EPHB1: variants seen among roughly 807,000 people sequenced by gnomAD.
The protein encoded by EPHB1 is ephrin type-B receptor 1.
Under a neutral mutation model 94.4 loss-of-function variants are expected in EPHB1, and 30 were observed. That is an observed-to-expected ratio of 0.32 (90% confidence interval 0.24 to 0.43). The LOEUF (loss-of-function observed/expected upper bound fraction) is 0.43. Among genes scored for constraint, EPHB1 ranks in the 20% least tolerant of loss-of-function variants. EPHB1 has a pLI of 1.00. For missense variants in EPHB1, 1,055 were observed against 1,308.3 expected, an observed-to-expected ratio of 0.81 and a Z score of 2.99; for synonymous variants, 522 against 489.1, an observed-to-expected ratio of 1.07 and a Z score of -0.89.
chr3:134,908,107 A>G (rs1221096208), intron 1 of EPHB1, among the ~76,000 whole-genome samples: 1 of 152,216 alleles, frequency 6.6e-6, no homozygotes, highest in Non-Finnish European at 1.5e-5. Flanking sequence ...TTGCCTGGGA[A>G]TAGTTCCTGC....
At chr3:135,201,756 G>A in intron 12 of EPHB1, 67 bp downstream of exon 12, 1 of 1,480,654 alleles carries the variant, frequency 6.8e-7, no homozygotes, top group South Asian at 1.2e-5. Context: ...ACATGGCTGG[G>A]AACTGTGACA....
chr3:135,008,166 A>G (rs935626801), intron 3 of EPHB1, among the ~76,000 whole-genome samples: 3 of 152,350 alleles, frequency 2.0e-5, no homozygotes, highest in Non-Finnish European at 4.4e-5. Context: ...AGCTTGGTAC[A>G]TGGAACAGAA....
intron 1 of EPHB1, among the ~76,000 whole-genome samples, chr3:134,826,575 C>T (rs1425904522): frequency 1.3e-5 from 2 of 152,214 alleles, no homozygotes; most frequent in East Asian, 3.9e-4. Context: ...TTATTTCATT[C>T]TCCACTATAA....
chr3:134,905,819 A>G (rs991429327), intron 1 of EPHB1, among the ~76,000 whole-genome samples: 3 of 152,146 alleles, frequency 2.0e-5, no homozygotes, highest in Non-Finnish European at 4.4e-5. Context: ...CCGTTTCCCC[A>G]TGATTCCCAG....
At chr3:134,962,559 G>C (rs6768899) in intron 3 of EPHB1, among the ~76,000 whole-genome samples, 73,889 of 151,762 alleles carry the variant, frequency 0.49, 18,666 homozygotes, top group African/African-American at 0.6. Flanking sequence ...GGCCGAATCT[G>C]CCTGGTTTGC....
At chr3:134,966,940 C>A (rs1165369543) in intron 3 of EPHB1, among the ~76,000 whole-genome samples, 1 of 152,218 alleles carries the variant, frequency 6.6e-6, no homozygotes, top group Non-Finnish European at 1.5e-5. Context: ...GTTCTGGCCA[C>A]CACAGCAACC....
chr3:134,990,905 A>G (rs1240117973), intron 3 of EPHB1, among the ~76,000 whole-genome samples: 1 of 152,172 alleles, frequency 6.6e-6, no homozygotes, highest in South Asian at 2.1e-4. Flanking sequence ...CCTTTTATAT[A>G]TTATTCCATT....
chr3:135,154,110 T>C, intron 5 of EPHB1, 42 bp from the exon 6 acceptor site: 1 of 1,612,648 alleles, frequency 6.2e-7, no homozygotes, highest in South Asian at 1.1e-5. Flanking sequence ...CCCCTATAAT[T>C]GAGTGTCTGT....
At chr3:135,236,120 A>G (rs1022729759) in intron 12 of EPHB1, among the ~76,000 whole-genome samples, 1 of 152,190 alleles carries the variant, frequency 6.6e-6, no homozygotes, top group Non-Finnish European at 1.5e-5. Flanking sequence ...ATTCTATCAC[A>G]GTTCTGGAGG....
chr3:135,128,083 A>G (rs2107685482), intron 4 of EPHB1, among the ~76,000 whole-genome samples: 1 of 152,048 alleles, frequency 6.6e-6, no homozygotes, highest in East Asian at 1.9e-4. Context: ...TCTGTATGTA[A>G]TTAAGAAAAA....
rs760960633 is a variant in EPHB1, at chr3:135,241,146, A to C, written c.2347-2A>C. On this transcript the variant is annotated splice_acceptor_variant, in intron 12 of 15. Coordinates refer to ENST00000398015, the MANE Select transcript of EPHB1 (RefSeq NM_004441.5). LOFTEE classifies it high-confidence loss of function. The stretch of plus-strand genomic sequence containing the variant: ...GCTGACCACGGTTTCTCCTTCTTTC[A>C]GGGAGGGAAGATCCCTGTGAGATGG... The C allele has an allele frequency of 6.2e-7, 1 of 1,614,178 alleles. No individual in the cohort carries two copies. Among genetic ancestry groups the C allele is most frequent in the Non-Finnish European group, 8.5e-7 (1 of 1,180,030 alleles).
chr3:135,001,604 T>C (rs1000466438), intron 3 of EPHB1, among the ~76,000 whole-genome samples: 3 of 152,218 alleles, frequency 2.0e-5, no homozygotes, highest in African/African-American at 7.2e-5. Context: ...CCAGGCCCAA[T>C]GGCCTCCCAG....
chr3:135,044,622 G>A (rs13089840), intron 3 of EPHB1, among the ~76,000 whole-genome samples: 35,588 of 152,174 alleles, frequency 0.23, 5,800 homozygotes, highest in East Asian at 0.73. Flanking sequence ...AATTATGCTT[G>A]TTTCATAGGG....
chr3:135,037,648 T>C (rs1936688896), intron 3 of EPHB1, among the ~76,000 whole-genome samples: 1 of 152,188 alleles, frequency 6.6e-6, no homozygotes, highest in East Asian at 1.9e-4. Flanking sequence ...TGTATAATGA[T>C]AGAAAAGGAG....
At chr3:134,888,053 G>A (rs2037893971) in intron 1 of EPHB1, among the ~76,000 whole-genome samples, 1 of 152,162 alleles carries the variant, frequency 6.6e-6, no homozygotes, top group Non-Finnish European at 1.5e-5. Flanking sequence ...GTGTATGGAA[G>A]GCTCTATCTC....
At chr3:134,868,710 A>G (rs1412260858) in intron 1 of EPHB1, among the ~76,000 whole-genome samples, 3 of 152,262 alleles carry the variant, frequency 2.0e-5, no homozygotes, top group South Asian at 2.1e-4. Flanking sequence ...CAAGAAAACA[A>G]TAAGACATAT....
rs1364419813 is a variant in EPHB1, at chr3:134,795,432, C to T, written c.-200C>T. The T allele has an allele frequency of 3.5e-6, 2 of 572,488 alleles. No individual in the cohort carries two copies. Among genetic ancestry groups the T allele is most frequent in the Non-Finnish European group, 6.1e-6 (2 of 330,134 alleles). The allele number at this position is 572,488 out of a possible 1,614,324, so 35.5% of individuals were successfully genotyped here. Reference sequence around the variant, plus strand: ...ACACACACACACACATGCACACCCACACCCACGCGCGCCCGCACCGCCCCA... The same window carrying T: ...ACACACACACACACATGCACACCCATACCCACGCGCGCCCGCACCGCCCCA... On this transcript the variant is annotated 5_prime_UTR_variant, in exon 1 of 16. Transcript: ENST00000398015.
chr3:135,194,414 G>A (rs1942541337), intron 11 of EPHB1, among the ~76,000 whole-genome samples: 1 of 152,240 alleles, frequency 6.6e-6, no homozygotes, highest in South Asian at 2.1e-4. Flanking sequence ...AGGCTTCAAA[G>A]AGGAGGAAGA....
intron 1 of EPHB1, among the ~76,000 whole-genome samples, chr3:134,879,358 C>T (rs1035547075): frequency 2.0e-5 from 3 of 152,076 alleles, no homozygotes; most frequent in East Asian, 1.9e-4. Context: ...GAATGAAGGC[C>T]GGGCATGGTG....
Sources: gnomAD v4.1 joint callset for allele counts (sites outside exome capture counted in the v4.1 genomes callset) on GRCh38, gnomAD v4.1.1 for gene constraint, MANE v1.5 for transcripts, NCBI Gene and HGNC (gene_info 2026-07-23, HGNC 2026-07-21) for gene names.